The following TBX20 variants were observed in gnomAD, a reference collection of about 807,000 sequenced individuals.
TBX20 encodes the protein T-box transcription factor 20.
TBX20 carries 8 observed loss-of-function variants against 42.9 expected under a neutral mutation model. That is an observed-to-expected ratio of 0.19 (90% CI 0.11 to 0.34). The LOEUF is 0.34. Ranked by LOEUF, TBX20 falls within the 10% of genes least tolerant of loss-of-function variation. The probability of loss-of-function intolerance (pLI) is 1.00; values close to 1 mark genes in which losing one functional copy is unlikely to be tolerated. For missense variants in TBX20, 411 were observed against 566.0 expected (o/e 0.73, Z 2.78); for synonymous variants, 198 against 222.8 (o/e 0.89, Z 0.99).
rs13222869 is a variant in TBX20 at position 35,228,407 on chromosome 7, T to A, written c.890+3097A>T. Among the ~76,000 whole-genome samples, 15 of 152,180 alleles carry A rather than the reference T, an allele frequency of 9.9e-5. No individual in the cohort carries two copies. In the Middle Eastern group the frequency reaches 0.014, roughly 138 times the overall value. On this transcript the variant is annotated intron_variant, in intron 6 of 7. Transcript: ENST00000408931. ...ATGTTCATACGTGCATAAGAAAGTA[T>A]CTGAAAGAATATATAATGGGGTTTT...
intron 6 of TBX20, among the ~76,000 whole-genome samples, chr7:35,208,312 AT>A (rs1305528781): frequency 1.3e-5 from 2 of 151,974 alleles, no homozygotes; most frequent in African/African-American, 4.8e-5. Flanking sequence ...GGTTTTGGAG[AT>A]TTGGGTTTTC....
intron 4 of TBX20, 94 bp downstream of exon 4, chr7:35,244,855 A>G (rs1336942966): frequency 3.6e-6 from 3 of 843,290 alleles, no homozygotes; most frequent in Non-Finnish European, 2.0e-6. Context: ...GGAAGGGGAT[A>G]GGGAAGGCAG....
intron 6 of TBX20, among the ~76,000 whole-genome samples, chr7:35,222,659 G>T (rs1160468778): frequency 3.3e-5 from 5 of 152,160 alleles, no homozygotes; most frequent in Non-Finnish European, 7.3e-5. Context: ...CCATTGTGCA[G>T]TGCAGCACAA....
At chr7:35,220,857 A>G (rs1021712040) in intron 6 of TBX20, among the ~76,000 whole-genome samples, 5 of 152,240 alleles carry the variant, frequency 3.3e-5, no homozygotes, top group Non-Finnish European at 7.3e-5. Context: ...AATTTTAGTA[A>G]GATTTAAGAA....
chr7:35,212,453 T>C (rs1159796362), intron 6 of TBX20, among the ~76,000 whole-genome samples: 1 of 152,200 alleles, frequency 6.6e-6, no homozygotes, highest in Non-Finnish European at 1.5e-5. Flanking sequence ...TGGTAATCTT[T>C]AATTAGATAC....
intron 6 of TBX20, among the ~76,000 whole-genome samples, chr7:35,210,219 A>G (rs1201027803): frequency 2.7e-5 from 4 of 148,500 alleles, no homozygotes; most frequent in Non-Finnish European, 5.9e-5. Flanking sequence ...GGTTCAAGTG[A>G]TTCTCGTGCC....
At position 35,249,858 on chromosome 7, in the gene TBX20, C is replaced by T. The variant is rs1790269540; in HGVS notation, c.380+93G>A. 1.1e-5 allele frequency: 15 copies of T among 1,412,160 alleles called. No individual in the cohort carries two copies. Among genetic ancestry groups the T allele is most frequent in the Non-Finnish European group, 1.3e-5 (14 of 1,038,150 alleles). The allele number at this position is 1,412,160 out of a possible 1,614,324, so 87.5% of individuals were successfully genotyped here. On this transcript the variant is annotated intron_variant, in intron 2 of 7. Coordinates refer to ENST00000408931, the MANE Select transcript of TBX20 (RefSeq NM_001077653.2). The surrounding 1 kb of genome is among the most constrained non-coding windows in gnomAD (Gnocchi z 4.3). ...AGCTGTCTCTCCGCTCCATGACCAG[C>T]CAGCTCTCATCTAGTTCCTGGAAGC...
chr7:35,239,968 T>C (rs1418266607), intron 5 of TBX20, among the ~76,000 whole-genome samples: 3 of 152,142 alleles, frequency 2.0e-5, no homozygotes, highest in Non-Finnish European at 4.4e-5. Flanking sequence ...CAGGCTGGTC[T>C]CGAACTCCTG....
intron 6 of TBX20, among the ~76,000 whole-genome samples, chr7:35,225,841 T>C (rs1387503607): frequency 1.3e-5 from 2 of 152,170 alleles, no homozygotes; most frequent in African/African-American, 4.8e-5. Context: ...AAGAAACTTT[T>C]AAAATGACAA....
chr7:35,223,569 C>A (rs935325717), intron 6 of TBX20, among the ~76,000 whole-genome samples: 1 of 152,114 alleles, frequency 6.6e-6, no homozygotes, highest in Non-Finnish European at 1.5e-5. Context: ...AAACAGAAGA[C>A]TGAGTGGTCT....
intron 1 of TBX20, 121 bp from the exon 2 acceptor site, chr7:35,250,324 C>T (rs1344988483): frequency 5.2e-6 from 6 of 1,146,846 alleles, no homozygotes; most frequent in Non-Finnish European, 7.1e-6. Context: ...CTCAGAAACT[C>T]CAGGCAGGCT....
chr7:35,209,831 A>G (rs1472950632), intron 6 of TBX20, among the ~76,000 whole-genome samples: 1 of 152,178 alleles, frequency 6.6e-6, no homozygotes, highest in African/African-American at 2.4e-5. Flanking sequence ...AGAATCCTGC[A>G]AGTTTTTATA....
intron 6 of TBX20, among the ~76,000 whole-genome samples, chr7:35,230,511 T>C (rs1166960495): frequency 6.6e-6 from 1 of 152,078 alleles, no homozygotes; most frequent in African/African-American, 2.4e-5. Context: ...TCTGTTCCCC[T>C]AAATCAAACC....
intron 1 of TBX20, among the ~76,000 whole-genome samples, chr7:35,252,233 C>T (rs1002808718): frequency 7.4e-4 from 112 of 152,186 alleles, no homozygotes; most frequent in Admixed American, 2.2e-3. Context: ...TGAGAAGTCG[C>T]ACAATATAAC....
At chr7:35,232,772 C>G (rs1789891929) in intron 5 of TBX20, among the ~76,000 whole-genome samples, 1 of 152,194 alleles carries the variant, frequency 6.6e-6, no homozygotes, top group African/African-American at 2.4e-5. Flanking sequence ...CGCCTGTAAT[C>G]CCAGCGCTTT....
rs1314182168 is a variant in TBX20, at chr7:35,249,985, G to C, written c.346C>G (p.Leu116Val). 6.2e-7 allele frequency: 1 copy of C among 1,611,718 alleles called. No homozygotes were observed. Among genetic ancestry groups the C allele is most frequent in the Non-Finnish European group, 8.5e-7 (1 of 1,178,606 alleles). The change falls in exon 2 of 8, where the codon CTG becomes GTG. Residue 116 changes from leucine (L) to valine (V), a missense_variant. Transcript: ENST00000408931. This position sits in a 1 kb window ranked among gnomAD's most constrained non-coding sequence, Gnocchi z 4.3. ...TKELWDKFHE[L>V]GTEMIITKSG... ...TTGGTGATGATCATCTCGGTGCCCA[G>C]CTCATGGAATTTGTCCCAAAGCTCC...
chr7:35,213,889 A>G (rs991416247), intron 6 of TBX20, among the ~76,000 whole-genome samples: 9 of 150,066 alleles, frequency 6.0e-5, no homozygotes, highest in Non-Finnish European at 1.2e-4. Flanking sequence ...AAAAAAAAAA[A>G]AAAAAAAAAA....
At chr7:35,245,113 A>T in intron 3 of TBX20, 56 bp from the exon 4 acceptor site, 1 of 1,293,084 alleles carries the variant, frequency 7.7e-7, no homozygotes, top group Non-Finnish European at 1.1e-6. Context: ...CTGTCTCTGT[A>T]GGTTATAAAA....
At chr7:35,244,762 G>A (rs1224582212) in intron 4 of TBX20, among the ~76,000 whole-genome samples, 187 bp downstream of exon 4, 6 of 152,256 alleles carry the variant, frequency 3.9e-5, no homozygotes, top group South Asian at 2.1e-4. Context: ...CAGCATTCCC[G>A]TAAATGACCT....
Sources: allele counts gnomAD v4.1 joint callset (sites outside exome capture counted in the v4.1 genomes callset), GRCh38; gene constraint gnomAD v4.1.1; non-coding constraint Gnocchi (gnomAD v3.1); transcripts MANE v1.5; gene names NCBI Gene and HGNC (gene_info 2026-07-23, HGNC 2026-07-21).